ARHGAP24: variants seen among roughly 807,000 people sequenced by gnomAD.
ARHGAP24 encodes rho GTPase-activating protein 24.
In ARHGAP24, 50 loss-of-function variants were observed where a neutral mutation model predicts 76.4. The ratio of observed to expected loss-of-function variants is 0.65; its 90% CI spans 0.52 to 0.83. The LOEUF is 0.83. Ranked by LOEUF, ARHGAP24 falls within the 40% of genes least tolerant of loss-of-function variation. The probability of loss-of-function intolerance (pLI) is 0.00; values close to 1 mark genes in which losing one functional copy is unlikely to be tolerated. For missense variants in ARHGAP24, 930 were observed against 914.2 expected (o/e 1.02, Z -0.22); for synonymous variants, 345 against 323.3 (o/e 1.07, Z -0.72).
At chr4:85,987,302 A>G (rs540479049) in intron 8 of ARHGAP24, among the ~76,000 whole-genome samples, 1 of 152,242 alleles carries the variant, frequency 6.6e-6, no homozygotes, top group South Asian at 2.1e-4. Context: ...TATAATAAAT[A>G]TGATTCAGCT....
At chr4:85,537,478 A>C (rs1725514002) in intron 1 of ARHGAP24, among the ~76,000 whole-genome samples, 1 of 152,246 alleles carries the variant, frequency 6.6e-6, no homozygotes, top group Admixed American at 6.5e-5. Context: ...AGCTGTAAAA[A>C]TCCATATAAA....
At chr4:85,586,405 C>T (rs1727863118) in intron 2 of ARHGAP24, among the ~76,000 whole-genome samples, 1 of 152,152 alleles carries the variant, frequency 6.6e-6, no homozygotes, top group Admixed American at 6.6e-5. Flanking sequence ...CCTGTGAATA[C>T]AGTTTCATGG....
chr4:85,908,931 G>T (rs1174309825), intron 3 of ARHGAP24, among the ~76,000 whole-genome samples: 5 of 152,076 alleles, frequency 3.3e-5, no homozygotes, highest in Non-Finnish European at 1.5e-5. Context: ...ACCATCAAGG[G>T]TCATCCCTAC....
chr4:85,506,716 C>G (rs1364330752), intron 1 of ARHGAP24, among the ~76,000 whole-genome samples: 1 of 152,196 alleles, frequency 6.6e-6, no homozygotes, highest in Non-Finnish European at 1.5e-5. Context: ...GAGGCAATGC[C>G]CCGCCCTGCT....
chr4:85,711,545 A>G (rs1000896637), intron 2 of ARHGAP24, among the ~76,000 whole-genome samples: 1 of 152,190 alleles, frequency 6.6e-6, no homozygotes, highest in Admixed American at 6.6e-5. Flanking sequence ...TTAAAAATCA[A>G]ATTCAGAATG....
chr4:85,477,796 G>T (rs897869197), intron 1 of ARHGAP24, among the ~76,000 whole-genome samples: 2 of 152,188 alleles, frequency 1.3e-5, no homozygotes, highest in African/African-American at 4.8e-5. Flanking sequence ...GTCTGGGTTG[G>T]TTTCTCAGGG....
At chr4:85,495,110 A>G (rs1423932024) in intron 1 of ARHGAP24, among the ~76,000 whole-genome samples, 1 of 151,542 alleles carries the variant, frequency 6.6e-6, no homozygotes, top group Non-Finnish European at 1.5e-5. Flanking sequence ...AAAAAAAAAA[A>G]AAAAGAGTGA....
At chr4:85,623,270 T>C (rs1032051760) in intron 2 of ARHGAP24, among the ~76,000 whole-genome samples, 2 of 152,164 alleles carry the variant, frequency 1.3e-5, no homozygotes, top group African/African-American at 4.8e-5. Context: ...AATTAATTTT[T>C]GTATAAGGTG....
At chr4:85,875,660 T>A (rs1732883483) in intron 3 of ARHGAP24, among the ~76,000 whole-genome samples, 1 of 129,004 alleles carries the variant, frequency 7.8e-6, no homozygotes, top group South Asian at 2.2e-4. Context: ...TTATATATAA[T>A]ATAACATAAA....
At chr4:85,691,690 T>TA (rs1321130462) in intron 2 of ARHGAP24, among the ~76,000 whole-genome samples, 2 of 152,240 alleles carry the variant, frequency 1.3e-5, no homozygotes, top group African/African-American at 2.4e-5. Context: ...ATATGTATGA[T>TA]ACATCTTTCT....
intron 1 of ARHGAP24, among the ~76,000 whole-genome samples, 173 bp from the exon 2 acceptor site, chr4:85,570,349 C>A (rs1727073448): frequency 7.1e-6 from 1 of 140,678 alleles, no homozygotes. Context: ...TTTTTTCTTT[C>A]TTCTTTCTTT....
intron 2 of ARHGAP24, among the ~76,000 whole-genome samples, chr4:85,613,150 G>A (rs745857928): frequency 1.3e-5 from 2 of 151,982 alleles, no homozygotes; most frequent in Non-Finnish European, 2.9e-5. Context: ...GTGTGCAAAT[G>A]TATACCTTTG....
At chr4:85,556,619 T>A (rs1383296677) in intron 1 of ARHGAP24, among the ~76,000 whole-genome samples, 1 of 152,068 alleles carries the variant, frequency 6.6e-6, no homozygotes, top group Non-Finnish European at 1.5e-5. Flanking sequence ...AGTGTTCAGG[T>A]GGGGGCAGGT....
intron 1 of ARHGAP24, among the ~76,000 whole-genome samples, chr4:85,498,145 C>A (rs527680935): frequency 5.3e-5 from 8 of 152,278 alleles, no homozygotes; most frequent in African/African-American, 1.9e-4. Context: ...AAACAAAATA[C>A]TTGTTTGCCA....
At chr4:85,529,911 A>C (rs1028349596) in intron 1 of ARHGAP24, among the ~76,000 whole-genome samples, 1 of 151,464 alleles carries the variant, frequency 6.6e-6, no homozygotes, top group African/African-American at 2.4e-5. Flanking sequence ...TTTAAAAAAA[A>C]CTCTTTTCAT....
chr4:85,772,150 C>G (rs1327465728), intron 3 of ARHGAP24, among the ~76,000 whole-genome samples: 1 of 152,210 alleles, frequency 6.6e-6, no homozygotes, highest in Non-Finnish European at 1.5e-5. Context: ...GACTTAGGAG[C>G]TAGTTGCTCT....
intron 1 of ARHGAP24, among the ~76,000 whole-genome samples, chr4:85,561,837 G>A (rs1726612281): frequency 6.6e-6 from 1 of 152,150 alleles, no homozygotes; most frequent in African/African-American, 2.4e-5. Context: ...TGTGCCAAAG[G>A]GGAGACAGAG....
At chr4:85,692,799 A>C (rs1444471800) in intron 2 of ARHGAP24, among the ~76,000 whole-genome samples, 1 of 152,164 alleles carries the variant, frequency 6.6e-6, no homozygotes, top group East Asian at 1.9e-4. Flanking sequence ...TCTAAACTCT[A>C]TGTCTGTCAT....
chr4:85,813,816 TTTTATATATA>T lies in ARHGAP24; in HGVS notation c.268+91846_268+91855del, dbSNP rs1280992791. Among the ~76,000 whole-genome samples, 896 of 95,540 alleles carry T rather than the reference TTTTATATATA, an allele frequency of 9.4e-3. 10 individuals are homozygous for T. The highest frequency in any genetic ancestry group is 0.063 in the East Asian group (186 of 2,942). The allele number at this position is 95,540 out of a possible 152,430, so 62.7% of individuals were successfully genotyped here. ...AGTTATATAAATATATATATATTTA[TTTTATATATA>T]TATATATATATATATATTTGTAGTT... On this transcript the variant is annotated intron_variant, in intron 3 of 9. Transcript: ENST00000395184.
Sources: allele counts gnomAD v4.1 joint callset (sites outside exome capture counted in the v4.1 genomes callset), GRCh38; gene constraint gnomAD v4.1.1; transcripts MANE v1.5; gene names NCBI Gene and HGNC (gene_info 2026-07-23, HGNC 2026-07-21).